FAM117A: variants seen among roughly 807,000 people sequenced by gnomAD.
FAM117A encodes the protein protein FAM117A.
FAM117A carries 21 observed loss-of-function variants against 44.1 expected under a neutral mutation model. The ratio of observed to expected loss-of-function variants is 0.48; its 90% CI spans 0.34 to 0.69. FAM117A has a LOEUF of 0.69. Among genes scored for constraint, FAM117A ranks in the 30% least tolerant of loss-of-function variants. The probability of loss-of-function intolerance (pLI) is 0.01; values close to 1 mark genes in which losing one functional copy is unlikely to be tolerated. For missense variants in FAM117A, 498 were observed against 589.9 expected (o/e 0.84, Z 1.61); for synonymous variants, 220 against 238.3 (o/e 0.92, Z 0.71).
chr17:49,781,148 C>T (rs2073788511), intron 1 of FAM117A, among the ~76,000 whole-genome samples: 1 of 152,164 alleles, frequency 6.6e-6, no homozygotes, highest in South Asian at 2.1e-4. Flanking sequence ...GTAACACTGA[C>T]CCATAACTGA....
chr17:49,718,030 T>C (rs765935155), intron 5 of FAM117A: 84 of 201,152 alleles, frequency 4.2e-4, no homozygotes, highest in Admixed American at 1.6e-3. Context: ...GCAGGGACCT[T>C]CTGTGCCCTG....
At chr17:49,763,201 A>G (rs1015695721) in intron 1 of FAM117A, among the ~76,000 whole-genome samples, 3 of 151,974 alleles carry the variant, frequency 2.0e-5, no homozygotes, top group Non-Finnish European at 4.4e-5. Flanking sequence ...AGACAGCCAT[A>G]TTAAGCAGGT....
chr17:49,764,781 C>T (rs527804998), upstream of FAM117A, among the ~76,000 whole-genome samples: 2 of 152,242 alleles, frequency 1.3e-5, no homozygotes, highest in African/African-American at 4.8e-5. Context: ...GCGACCTTGC[C>T]TCGTGTGACA....
chr17:49,788,340 C>T (rs1490230357), intron 1 of FAM117A, among the ~76,000 whole-genome samples: 1 of 152,162 alleles, frequency 6.6e-6, no homozygotes, highest in Non-Finnish European at 1.5e-5. Context: ...TAAATCTAAT[C>T]TCAGCAACCT....
At chr17:49,788,651 G>A (rs1206155623), upstream of FAM117A, 4 of 557,350 alleles carry the variant, frequency 7.2e-6, no homozygotes, top group African/African-American at 5.9e-5. Flanking sequence ...CGGAAGTGAA[G>A]GAAAAAGCGC....
At chr17:49,714,895 C>T (rs149672650) in intron 7 of FAM117A, among the ~76,000 whole-genome samples, 3 of 152,220 alleles carry the variant, frequency 2.0e-5, no homozygotes, top group East Asian at 1.9e-4. Context: ...GATAAACACG[C>T]ACCTCAGCCT....
At chr17:49,775,021 C>A (rs559147577) in intron 1 of FAM117A, among the ~76,000 whole-genome samples, 137 of 152,294 alleles carry the variant, frequency 9.0e-4, no homozygotes, top group African/African-American at 3.3e-3. Context: ...TCTGGCCCCC[C>A]TCTGTTGCCT....
At chr17:49,782,181 C>G (rs2073791472) in intron 1 of FAM117A, among the ~76,000 whole-genome samples, 1 of 151,554 alleles carries the variant, frequency 6.6e-6, no homozygotes, top group Non-Finnish European at 1.5e-5. Flanking sequence ...CGAGACCATC[C>G]TGGCTAACAC....
intron 1 of FAM117A, among the ~76,000 whole-genome samples, chr17:49,740,154 A>G (rs1181176657): frequency 6.6e-6 from 1 of 152,198 alleles, no homozygotes; most frequent in East Asian, 1.9e-4. Context: ...GAAAGTCAAC[A>G]TGGCAGAAGG....
At chr17:49,760,252 C>A (rs1317190629) in intron 1 of FAM117A, among the ~76,000 whole-genome samples, 1 of 152,038 alleles carries the variant, frequency 6.6e-6, no homozygotes, top group Non-Finnish European at 1.5e-5. Flanking sequence ...TTTCTTTACC[C>A]CCTTAGAATT....
At chr17:49,773,132 C>T (rs1458858715) in intron 1 of FAM117A, among the ~76,000 whole-genome samples, 5 of 152,174 alleles carry the variant, frequency 3.3e-5, no homozygotes, top group South Asian at 2.1e-4. Flanking sequence ...GGTGAAACCC[C>T]GTCTCTACTA....
intron 1 of FAM117A, among the ~76,000 whole-genome samples, chr17:49,735,403 C>T (rs2073606592): frequency 6.6e-6 from 1 of 151,466 alleles, no homozygotes; most frequent in Non-Finnish European, 1.5e-5. Flanking sequence ...AAAAAAAAGA[C>T]ACTAACAATA....
intron 1 of FAM117A, among the ~76,000 whole-genome samples, chr17:49,754,636 T>G (rs529971969): frequency 3.3e-5 from 5 of 151,494 alleles, no homozygotes; most frequent in Admixed American, 2.6e-4. Context: ...GAAGGGAGTG[T>G]GGGGTAGAGA....
At chr17:49,729,800 G>A (rs994496591) in intron 2 of FAM117A, among the ~76,000 whole-genome samples, 8 of 152,050 alleles carry the variant, frequency 5.3e-5, no homozygotes, top group African/African-American at 1.7e-4. Context: ...CACCATGCCT[G>A]GCCATATTAG....
chr17:49,755,875 A>C (rs1181456721), intron 1 of FAM117A, among the ~76,000 whole-genome samples: 1 of 152,178 alleles, frequency 6.6e-6, no homozygotes, highest in East Asian at 1.9e-4. Flanking sequence ...AACTCAATCC[A>C]ACAAGTATTT....
upstream of FAM117A, among the ~76,000 whole-genome samples, chr17:49,767,254 G>C (rs950405536): frequency 4.6e-5 from 7 of 152,230 alleles, no homozygotes; most frequent in Non-Finnish European, 1.0e-4. Context: ...TGGCTTTGGG[G>C]AGGCTGTGCA....
chr17:49,719,387 G>A (rs1438994452), intron 5 of FAM117A, among the ~76,000 whole-genome samples: 1 of 152,220 alleles, frequency 6.6e-6, no homozygotes, highest in African/African-American at 2.4e-5. Context: ...ACCAGGTAGA[G>A]ATGGAGAAGG....
At chr17:49,781,019 C>T (rs942237676) in intron 1 of FAM117A, among the ~76,000 whole-genome samples, 1 of 151,842 alleles carries the variant, frequency 6.6e-6, no homozygotes, top group Admixed American at 6.6e-5. Context: ...TTAGTAGAGA[C>T]GGGTCTTCAC....
At chr17:49,788,930 G>A, upstream of FAM117A, 1 of 1,331,214 alleles carries the variant, frequency 7.5e-7, no homozygotes, top group East Asian at 2.8e-5. Flanking sequence ...ACGCCTCACA[G>A]TGCTTGGGTC....
Sources: gnomAD v4.1 joint callset for allele counts (sites outside exome capture counted in the v4.1 genomes callset) on GRCh38, gnomAD v4.1.1 for gene constraint, MANE v1.5 for transcripts, NCBI Gene and HGNC (gene_info 2026-07-23, HGNC 2026-07-21) for gene names.